Variants in AAK1 observed in about 807,000 individuals in gnomAD.
AAK1 encodes the protein AP2-associated protein kinase 1.
Under a neutral mutation model 116.0 loss-of-function variants are expected in AAK1, and 37 were observed. That is an observed-to-expected ratio of 0.32 (90% confidence interval 0.25 to 0.42). The LOEUF is 0.42. Ranked by LOEUF, AAK1 falls within the 10% of genes least tolerant of loss-of-function variation. AAK1 has a pLI of 1.00. For synonymous variants in AAK1, 458 were observed against 439.9 expected (o/e 1.04, Z -0.51); for missense variants, 919 against 1,170.6 (o/e 0.79, Z 3.14).
intron 13 of AAK1, among the ~76,000 whole-genome samples, chr2:69,509,717 A>T (rs1342960451): frequency 1.3e-5 from 2 of 152,220 alleles, no homozygotes; most frequent in African/African-American, 4.8e-5. Flanking sequence ...GATAATATAT[A>T]GGGTAACCAT....
At chr2:69,510,763 A>G (rs1225832579) in intron 13 of AAK1, among the ~76,000 whole-genome samples, 1 of 152,206 alleles carries the variant, frequency 6.6e-6, no homozygotes, top group African/African-American at 2.4e-5. Context: ...GCAACTCCTA[A>G]GAAAATATGT....
intron 2 of AAK1, among the ~76,000 whole-genome samples, chr2:69,600,550 C>T (rs888819017): frequency 6.6e-6 from 1 of 152,130 alleles, no homozygotes; most frequent in African/African-American, 2.4e-5. Context: ...TGAATTGTCG[C>T]AATCTCATGA....
intron 2 of AAK1, among the ~76,000 whole-genome samples, chr2:69,603,087 AT>A (rs1416806893): frequency 1.1e-4 from 17 of 152,204 alleles, no homozygotes; most frequent in African/African-American, 4.1e-4. Context: ...CATTAAAATA[AT>A]TTATCAGTTA....
At chr2:69,643,504 C>G (rs1312403329) in intron 1 of AAK1, 71 bp downstream of exon 1, 9 of 1,222,686 alleles carry the variant, frequency 7.4e-6, no homozygotes, top group Non-Finnish European at 9.2e-6. Flanking sequence ...CGCCGACCCT[C>G]CCGGGCACTG....
At position 69,470,056 on chromosome 2, in the gene AAK1, T is replaced by C. The variant is rs929730037; in HGVS notation, c.*5813A>G. On this transcript the variant is annotated 3_prime_UTR_variant, in exon 22 of 22. Transcript: ENST00000409085. ...CCCTGGAAACTCCATCTGATTGACA[T>C]AGTGAGGGCCATCAGAATGCTCCCT... The C allele has an allele frequency of 1.0e-6, 1 of 985,416 alleles. No homozygotes were observed. The highest frequency in any genetic ancestry group is 1.1e-4 in the East Asian group (1 of 8,816). The allele number at this position is 985,416 out of a possible 1,614,324, so 61.0% of individuals were successfully genotyped here. A position where few individuals can be genotyped will look rare whatever the true frequency, so the allele number is the denominator to read the frequency against.
intron 2 of AAK1, among the ~76,000 whole-genome samples, chr2:69,567,702 C>T (rs999666284): frequency 1.3e-5 from 2 of 152,094 alleles, no homozygotes; most frequent in Non-Finnish European, 2.9e-5. Context: ...TAGAAAAACC[C>T]TGCACTGCTC....
rs1043616291 is a variant in AAK1 at position 69,598,076 on chromosome 2, A to G, written c.164-41098T>C. ...TGAACACCTTCTTTATGGTGACATAATGCAACCACATGTTTTGGATACATA... is the reference window on the plus strand; with the variant it reads ...TGAACACCTTCTTTATGGTGACATAGTGCAACCACATGTTTTGGATACATA... On this transcript the variant is annotated intron_variant, in intron 2 of 21. Coordinates refer to ENST00000409085, the MANE Select transcript of AAK1 (RefSeq NM_014911.5). The G allele has an allele frequency of 5.2e-5, 37 of 711,082 alleles. No homozygotes were observed. The African/African-American group carries it at 6.9e-4, about 13-fold the overall frequency. 44.0% of individuals were successfully genotyped at this position (711,082 alleles called of 1,614,324 possible).
chr2:69,497,917 T>C (rs539039072), intron 16 of AAK1, among the ~76,000 whole-genome samples: 1 of 152,210 alleles, frequency 6.6e-6, no homozygotes, highest in Admixed American at 6.5e-5. Flanking sequence ...GCCCTATTTG[T>C]GCATGTGTCT....
chr2:69,491,215 G>A (rs987793557), intron 17 of AAK1, among the ~76,000 whole-genome samples: 6 of 152,106 alleles, frequency 3.9e-5, no homozygotes, highest in Admixed American at 2.0e-4. Context: ...AAAGTGCTGA[G>A]ATTATAGGCA....
intron 2 of AAK1, among the ~76,000 whole-genome samples, chr2:69,578,055 G>C (rs1019022369): frequency 3.3e-5 from 5 of 152,038 alleles, no homozygotes; most frequent in African/African-American, 9.7e-5. Flanking sequence ...TCCCTCCCTC[G>C]GGCTGTTAAA....
At position 69,520,827 on chromosome 2, in the gene AAK1, T is replaced by C. The variant is rs753782231; in HGVS notation, c.1210+7A>G. 3 of 1,540,380 alleles carry C rather than the reference T, an allele frequency of 1.9e-6. No homozygotes were observed. Among genetic ancestry groups the C allele is most frequent in the South Asian group, 1.3e-5 (1 of 77,110 alleles). ...GTATTGAGTTTCAAACCAATCTAGATACAAACCTGCAGCCTGAGGTGGGGG... is the reference window on the plus strand; with the variant it reads ...GTATTGAGTTTCAAACCAATCTAGACACAAACCTGCAGCCTGAGGTGGGGG... On this transcript the variant is annotated splice_region_variant and intron_variant, in intron 11 of 21. Transcript: ENST00000409085.
At chr2:69,510,847 TAAG>T (rs941467823) in intron 13 of AAK1, among the ~76,000 whole-genome samples, 45 of 152,138 alleles carry the variant, frequency 3.0e-4, no homozygotes, top group African/African-American at 9.4e-4. Context: ...GCAGAGAATA[TAAG>T]AAGAAGAAAG....
intron 18 of AAK1, 88 bp downstream of exon 18, chr2:69,482,623 C>T (rs1359669731): frequency 1.8e-6 from 2 of 1,083,426 alleles, no homozygotes; most frequent in Admixed American, 3.9e-5. Flanking sequence ...AGGGCTATTC[C>T]CCAGGGATTG....
chr2:69,505,902 C>A (rs1014920450), intron 15 of AAK1, among the ~76,000 whole-genome samples: 1 of 152,168 alleles, frequency 6.6e-6, no homozygotes, highest in African/African-American at 2.4e-5. Context: ...ATCAGTTTTG[C>A]AAAATGAAAA....
At chr2:69,587,253 ATATATATACACATGTG>A (rs1157560231) in intron 2 of AAK1, among the ~76,000 whole-genome samples, 2 of 148,372 alleles carry the variant, frequency 1.3e-5, no homozygotes, top group Non-Finnish European at 3.0e-5. Flanking sequence ...CTCAGCTTAT[ATATATATACACATGTG>A]TATATATACA....
chr2:69,562,455 C>G (rs1671682962), intron 2 of AAK1, among the ~76,000 whole-genome samples: 2 of 152,156 alleles, frequency 1.3e-5, no homozygotes, highest in Non-Finnish European at 2.9e-5. Context: ...GCTAAATAAG[C>G]AAAGATGACA....
chr2:69,557,888 C>G (rs1671452259), intron 2 of AAK1, among the ~76,000 whole-genome samples: 1 of 152,172 alleles, frequency 6.6e-6, no homozygotes, highest in Non-Finnish European at 1.5e-5. Flanking sequence ...CCTAAAGATT[C>G]TTCCGGACCT....
intron 11 of AAK1, among the ~76,000 whole-genome samples, chr2:69,519,697 T>C (rs1430899801): frequency 6.6e-6 from 1 of 152,184 alleles, no homozygotes; most frequent in Non-Finnish European, 1.5e-5. Context: ...AGCTTCCTGG[T>C]AGGGTTCAGT....
At chr2:69,636,121 G>A (rs1462649112) in intron 2 of AAK1, among the ~76,000 whole-genome samples, 1 of 152,088 alleles carries the variant, frequency 6.6e-6, no homozygotes, top group Non-Finnish European at 1.5e-5. Context: ...TGTGTGCTTG[G>A]TTAAATGGAT....
Sources: allele counts gnomAD v4.1 joint callset (sites outside exome capture counted in the v4.1 genomes callset), GRCh38; gene constraint gnomAD v4.1.1; transcripts MANE v1.5; gene names NCBI Gene and HGNC (gene_info 2026-07-23, HGNC 2026-07-21).